The following SGPP1 variants were observed in gnomAD, a reference collection of about 807,000 sequenced individuals.
The protein encoded by SGPP1 is hSPP1.
A neutral mutation model predicts 33.0 loss-of-function variants in SGPP1; 21 were observed. The observed-to-expected ratio is 0.64, with a 90% CI of 0.45 to 0.92. The LOEUF (loss-of-function observed/expected upper bound fraction) is 0.92. Ranked by LOEUF, SGPP1 falls within the 40% of genes least tolerant of loss-of-function variation. The pLI is 0.00. For missense variants in SGPP1, 543 were observed against 589.4 expected, an observed-to-expected ratio of 0.92 and a Z score of 0.81; for synonymous variants, 239 against 241.2, an observed-to-expected ratio of 0.99 and a Z score of 0.08.
intron 2 of SGPP1, among the ~76,000 whole-genome samples, chr14:63,688,315 C>CAAAA (rs71120275): frequency 1.9e-4 from 6 of 31,402 alleles, no homozygotes; most frequent in African/African-American, 3.0e-4. Context: ...GACTCTGTCT[C>CAAAA]AAAAAAAAAA....
At chr14:63,689,570 G>T (rs1000345584) in intron 2 of SGPP1, among the ~76,000 whole-genome samples, 2 of 152,114 alleles carry the variant, frequency 1.3e-5, no homozygotes, top group Non-Finnish European at 2.9e-5. Flanking sequence ...GCCAAGGTGG[G>T]AGGATCACCT....
chr14:63,710,998 T>C (rs542037748), intron 1 of SGPP1, among the ~76,000 whole-genome samples: 9 of 151,842 alleles, frequency 5.9e-5, no homozygotes, highest in South Asian at 2.1e-4. Context: ...ATTTCATTCA[T>C]TAAGATTGTT....
At chr14:63,725,485 T>G (rs957757545) in intron 1 of SGPP1, among the ~76,000 whole-genome samples, 9 of 152,202 alleles carry the variant, frequency 5.9e-5, no homozygotes, top group African/African-American at 2.2e-4. Context: ...ACTGGTCAGT[T>G]TGCACATCTG....
intron 1 of SGPP1, 93 bp downstream of exon 1, chr14:63,727,168 G>T (rs902366098): frequency 1.4e-6 from 2 of 1,465,586 alleles, no homozygotes; most frequent in African/African-American, 2.8e-5. Flanking sequence ...GGCTTTGGAG[G>T]GGAACGGTCG....
intron 1 of SGPP1, among the ~76,000 whole-genome samples, chr14:63,711,928 G>A (rs1175229771): frequency 6.6e-6 from 1 of 151,628 alleles, no homozygotes; most frequent in Non-Finnish European, 1.5e-5. Context: ...TACTGGGGAG[G>A]CTGAGGCAGG....
intron 1 of SGPP1, among the ~76,000 whole-genome samples, chr14:63,725,151 T>TC (rs1371887941): frequency 6.6e-6 from 1 of 152,158 alleles, no homozygotes; most frequent in African/African-American, 2.4e-5. Context: ...GATGGGTGGA[T>TC]CCCCTGAGGT....
rs1885898153 is a variant in SGPP1, at chr14:63,727,129, C to A, written c.684+132G>T. The A allele has an allele frequency of 9.4e-6, 13 of 1,384,674 alleles. No individual in the cohort carries two copies. In the South Asian group the frequency reaches 2.2e-4, roughly 24 times the overall value. The allele number at this position is 1,384,674 out of a possible 1,614,324, so 85.8% of individuals were successfully genotyped here. On this transcript the variant is annotated intron_variant, in intron 1 of 2. Transcript: ENST00000247225. ...TCAAAACCCAGAAAGGGCCTGTTTG[C>A]GAGTATTGTGAAAACCTGTGGAAAG...
At chr14:63,688,315 C>CAAAAAAAA (rs71120275) in intron 2 of SGPP1, among the ~76,000 whole-genome samples, 1 of 31,414 alleles carries the variant, frequency 3.2e-5, no homozygotes, top group Non-Finnish European at 7.0e-5. Context: ...GACTCTGTCT[C>CAAAAAAAA]AAAAAAAAAA....
intron 1 of SGPP1, among the ~76,000 whole-genome samples, chr14:63,709,928 A>G (rs1885489718): frequency 6.6e-6 from 1 of 152,168 alleles, no homozygotes; most frequent in Non-Finnish European, 1.5e-5. Context: ...ATTATTTTGC[A>G]TATTTTGGCA....
rs755217669 is a variant in SGPP1 at position 63,727,912 on chromosome 14, A to G, written c.33T>C (p.Val11=). ...CTTTCTGCGGGTCCTGCAGACGGCC[A>G]ACCAGCTGGGCCAGGCGCTGCCTCA... The part of the protein sequence containing the change: MSLRQRLAQL[V]GRLQDPQKVA... The change falls in exon 1 of 3, where the codon GTT becomes GTC. Residue 11 remains valine, a synonymous_variant. Transcript: ENST00000247225. The G allele has an allele frequency of 5.2e-6, 8 of 1,544,694 alleles. No homozygotes were observed. The highest frequency in any genetic ancestry group is 6.9e-6 in the Non-Finnish European group (8 of 1,154,304).
At chr14:63,688,915 G>T (rs1349487558) in intron 2 of SGPP1, among the ~76,000 whole-genome samples, 2 of 151,836 alleles carry the variant, frequency 1.3e-5, no homozygotes, top group African/African-American at 4.8e-5. Flanking sequence ...TAGAGACGGG[G>T]TTTCACCGTG....
intron 2 of SGPP1, among the ~76,000 whole-genome samples, chr14:63,697,552 C>A (rs1885211727): frequency 1.3e-5 from 2 of 152,138 alleles, no homozygotes; most frequent in African/African-American, 4.8e-5. Context: ...AGAGTTAAAA[C>A]ACACAGTTGC....
chr14:63,725,103 T>C (rs1293484291), intron 1 of SGPP1, among the ~76,000 whole-genome samples: 1 of 152,228 alleles, frequency 6.6e-6, no homozygotes, highest in African/African-American at 2.4e-5. Context: ...CCAGGCGCAG[T>C]GGCTCACGCC....
At chr14:63,692,055 G>C (rs969277890) in intron 2 of SGPP1, among the ~76,000 whole-genome samples, 2 of 152,218 alleles carry the variant, frequency 1.3e-5, no homozygotes, top group East Asian at 1.9e-4. Flanking sequence ...CTCTATAAGA[G>C]AAGCAGATGA....
intron 1 of SGPP1, among the ~76,000 whole-genome samples, chr14:63,714,083 C>T (rs1885573702): frequency 6.6e-6 from 1 of 152,244 alleles, no homozygotes; most frequent in Non-Finnish European, 1.5e-5. Flanking sequence ...GATTCCAGCA[C>T]ATACTTACAC....
intron 2 of SGPP1, 91 bp downstream of exon 2, chr14:63,698,478 C>A: frequency 3.3e-6 from 2 of 609,832 alleles, no homozygotes; most frequent in South Asian, 3.4e-5. Flanking sequence ...CTCATTTAGG[C>A]TTCAGGTAAG....
At chr14:63,702,462 CA>C (rs1342948124) in intron 1 of SGPP1, among the ~76,000 whole-genome samples, 1 of 152,072 alleles carries the variant, frequency 6.6e-6, no homozygotes, top group Non-Finnish European at 1.5e-5. Context: ...ATCCCAGCAG[CA>C]CTTTGGAAGG....
intron 2 of SGPP1, among the ~76,000 whole-genome samples, chr14:63,697,510 C>G (rs1041666612): frequency 3.3e-5 from 5 of 152,098 alleles, no homozygotes; most frequent in Non-Finnish European, 7.4e-5. Flanking sequence ...TTCATAGATG[C>G]CTCATGAGAC....
chr14:63,719,679 G>GA (rs1294168207), intron 1 of SGPP1, among the ~76,000 whole-genome samples: 3 of 151,844 alleles, frequency 2.0e-5, no homozygotes, highest in South Asian at 4.2e-4. Flanking sequence ...ATGCAAATGT[G>GA]AAAAAAATTA....
Sources: allele counts gnomAD v4.1 joint callset (sites outside exome capture counted in the v4.1 genomes callset), GRCh38; gene constraint gnomAD v4.1.1; transcripts MANE v1.5; gene names NCBI Gene and HGNC (gene_info 2026-07-23, HGNC 2026-07-21).